Variants in STOX1 observed in about 807,000 individuals in gnomAD.
The protein encoded by STOX1 is storkhead box 1.
In STOX1, 57 loss-of-function variants were observed where a neutral mutation model predicts 74.8. The observed-to-expected ratio is 0.76, with a 90% confidence interval of 0.62 to 0.95. The LOEUF (loss-of-function observed/expected upper bound fraction) is 0.95, where lower values mean the gene tolerates loss of function less well. Among genes scored for constraint, STOX1 ranks in the 40% least tolerant of loss-of-function variants. The pLI is 0.00. For missense variants in STOX1, 1,010 were observed against 1,117.0 expected (o/e 0.90, Z 1.37); for synonymous variants, 375 against 401.3 (o/e 0.93, Z 0.78).
chr10:68,827,531 G>A lies in STOX1; in HGVS notation c.-93G>A, dbSNP rs888187445. 24 of 833,926 alleles carry A rather than the reference G, an allele frequency of 2.9e-5. No individual in the cohort carries two copies. In the Middle Eastern group the frequency reaches 1.5e-3, roughly 54 times the overall value. 51.7% of individuals were successfully genotyped at this position (833,926 alleles called of 1,614,324 possible). ...GGCAGCCAGCGCCGCGGACCCGCGC[G>A]CAGTCGGCCGATCCTCCCGCCGAGC... On this transcript the variant is annotated 5_prime_UTR_variant, in exon 1 of 4. Coordinates refer to ENST00000298596, the MANE Select transcript of STOX1 (RefSeq NM_152709.5).
At chr10:68,882,539 C>T in intron 2 of STOX1, among the ~76,000 whole-genome samples, 1 of 151,298 alleles carries the variant, frequency 6.6e-6, no homozygotes, top group Middle Eastern at 3.4e-3. Flanking sequence ...GCTCTGTCAC[C>T]CAGGCTAGAG....
intron 1 of STOX1, among the ~76,000 whole-genome samples, chr10:68,831,177 A>ATATTTATT (rs753999696): frequency 3.9e-5 from 6 of 152,026 alleles, no homozygotes; most frequent in Admixed American, 1.3e-4. Context: ...TTTGCCATAG[A>ATATTTATT]TATTTATTTA....
chr10:68,834,088 C>G (rs1391838458), intron 1 of STOX1, among the ~76,000 whole-genome samples: 2 of 152,192 alleles, frequency 1.3e-5, no homozygotes, highest in Admixed American at 6.5e-5. Context: ...TACTGAAGAT[C>G]AGGCACATCA....
chr10:68,873,904 C>T (rs1483076795), intron 1 of STOX1, among the ~76,000 whole-genome samples: 1 of 151,200 alleles, frequency 6.6e-6, no homozygotes, highest in East Asian at 1.9e-4. Context: ...CCGCCTCGGC[C>T]TCTCAAAGTG....
At position 68,846,127 on chromosome 10, in the gene STOX1, TATTATTA is replaced by T. The variant is rs1839845899; in HGVS notation, c.310+18195_310+18201del. ...AGTTATGGCTTGAGGTTTTTATTAT[TATTATTA>T]TTATTATTATTATTATTATTATTAT... is the stretch of plus-strand genomic sequence containing the variant. On this transcript the variant is annotated intron_variant, in intron 1 of 3. Coordinates refer to ENST00000298596, the MANE Select transcript of STOX1 (RefSeq NM_152709.5). Among the ~76,000 whole-genome samples, 19 of 95,614 alleles carry T rather than the reference TATTATTA, an allele frequency of 2.0e-4. No individual in the cohort carries two copies. The South Asian group carries it at 4.0e-3, about 20-fold the overall frequency. The allele number at this position is 95,614 out of a possible 152,430, so 62.7% of individuals were successfully genotyped here.
At chr10:68,828,834 T>G in intron 1 of STOX1, 1 of 324,154 alleles carries the variant, frequency 3.1e-6, no homozygotes, top group South Asian at 1.2e-4. Flanking sequence ...CTCATCCCTT[T>G]AGCTGAATAG....
At chr10:68,886,967 C>T (rs991931789) in intron 3 of STOX1, among the ~76,000 whole-genome samples, 3 of 151,758 alleles carry the variant, frequency 2.0e-5, no homozygotes, top group South Asian at 2.1e-4. Flanking sequence ...CACAGTTCTA[C>T]AGGAATTATG....
intron 1 of STOX1, among the ~76,000 whole-genome samples, chr10:68,878,390 TTTTAGG>T (rs1329800389): frequency 5.3e-5 from 8 of 151,982 alleles, no homozygotes; most frequent in Non-Finnish European, 8.8e-5. Flanking sequence ...GGATTTTGAG[TTTTAGG>T]TAAATTAATG....
intron 1 of STOX1, among the ~76,000 whole-genome samples, chr10:68,852,071 T>G (rs2133538516): frequency 6.6e-6 from 1 of 151,670 alleles, no homozygotes; most frequent in Admixed American, 6.6e-5. Context: ...GATGTGGAGG[T>G]TGCAGGGAGC....
downstream of STOX1, chr10:68,895,137 T>G (rs1458017159): frequency 6.6e-6 from 1 of 152,226 alleles, no homozygotes; most frequent in Non-Finnish European, 1.5e-5. Flanking sequence ...TTTACTGATA[T>G]GTTGGAGGGC....
At chr10:68,837,644 C>T (rs903837823) in intron 1 of STOX1, among the ~76,000 whole-genome samples, 1 of 152,172 alleles carries the variant, frequency 6.6e-6, no homozygotes, top group Admixed American at 6.5e-5. Context: ...CATGGGCCTA[C>T]GGGAGTGCCC....
At chr10:68,876,766 C>A (rs1012741432) in intron 1 of STOX1, among the ~76,000 whole-genome samples, 1 of 152,142 alleles carries the variant, frequency 6.6e-6, no homozygotes, top group South Asian at 2.1e-4. Context: ...CAGCTGGCCT[C>A]GACTGAAGAG....
chr10:68,835,594 C>T (rs1048331904), intron 1 of STOX1, among the ~76,000 whole-genome samples: 6 of 150,684 alleles, frequency 4.0e-5, no homozygotes, highest in African/African-American at 7.3e-5. Context: ...TAGGTATGAA[C>T]GTCTTCCTGC....
chr10:68,849,388 C>T (rs917343559), intron 1 of STOX1, among the ~76,000 whole-genome samples: 3 of 152,074 alleles, frequency 2.0e-5, no homozygotes, highest in African/African-American at 7.2e-5. Context: ...CAGTAATTCC[C>T]GAACTCTTCC....
chr10:68,836,958 A>G (rs1839571765), intron 1 of STOX1, among the ~76,000 whole-genome samples: 1 of 152,138 alleles, frequency 6.6e-6, no homozygotes, highest in Non-Finnish European at 1.5e-5. Context: ...CCCCTTCACC[A>G]AGCAACTGAA....
intron 1 of STOX1, among the ~76,000 whole-genome samples, chr10:68,835,470 C>G (rs914742015): frequency 6.6e-6 from 1 of 152,120 alleles, no homozygotes; most frequent in African/African-American, 2.4e-5. Context: ...CTACAGGCAC[C>G]CATCACCACA....
chr10:68,833,564 CAG>C (rs1221686326), intron 1 of STOX1, among the ~76,000 whole-genome samples: 2 of 152,046 alleles, frequency 1.3e-5, no homozygotes, highest in South Asian at 2.1e-4. Context: ...GGGTACGTGA[CAG>C]GGGCTGCATG....
chr10:68,834,251 G>A (rs1174097444), intron 1 of STOX1, among the ~76,000 whole-genome samples: 1 of 152,202 alleles, frequency 6.6e-6, no homozygotes, highest in African/African-American at 2.4e-5. Context: ...TGTAGTATCT[G>A]CACTAACGCT....
intron 2 of STOX1, among the ~76,000 whole-genome samples, chr10:68,884,051 T>C (rs1051775569): frequency 6.6e-6 from 1 of 152,192 alleles, no homozygotes; most frequent in African/African-American, 2.4e-5. Context: ...ACTCCTGGGC[T>C]CAAGTGATCC....
Sources: gnomAD v4.1 joint callset for allele counts (sites outside exome capture counted in the v4.1 genomes callset) on GRCh38, gnomAD v4.1.1 for gene constraint, MANE v1.5 for transcripts, NCBI Gene and HGNC (gene_info 2026-07-23, HGNC 2026-07-21) for gene names.